The following PDZRN4 variants were observed in gnomAD, a reference collection of about 807,000 sequenced individuals.
The protein encoded by PDZRN4 is PDZ domain-containing RING finger protein 4.
A neutral mutation model predicts 99.0 loss-of-function variants in PDZRN4; 70 were observed. The ratio of observed to expected loss-of-function variants is 0.71; its 90% CI spans 0.58 to 0.86. The LOEUF (loss-of-function observed/expected upper bound fraction) is 0.86. Ranked by LOEUF, PDZRN4 falls within the 40% of genes least tolerant of loss-of-function variation. The pLI is 0.00. For missense variants in PDZRN4, 1,474 were observed against 1,331.2 expected (o/e 1.11, Z -1.67); for synonymous variants, 551 against 501.6 (o/e 1.10, Z -1.32).
rs145150131 is a variant in PDZRN4, at chr12:41,568,510, C to T, written c.1584+611C>T. Among the ~76,000 whole-genome samples the T allele has an allele frequency of 4.1e-3, 629 of 152,262 alleles. 4 individuals carry two copies. Among genetic ancestry groups the T allele is most frequent in the African/African-American group, 0.014 (583 of 41,544 alleles). ...TTAACATCATTTTGCCTTGAAGTCA[C>T]ATATTCATTCAACTAAACACTTTGA... On this transcript the variant is annotated intron_variant, in intron 9 of 9. Transcript: ENST00000402685.
At chr12:41,190,593 A>G (rs1403894213) in intron 1 of PDZRN4, among the ~76,000 whole-genome samples, 4 of 152,224 alleles carry the variant, frequency 2.6e-5, no homozygotes, top group Admixed American at 1.3e-4. Context: ...GTGTTTTTCT[A>G]CTACCAGTAG....
intron 8 of PDZRN4, 50 bp downstream of exon 8, chr12:41,563,699 T>G (rs1035824013): frequency 8.5e-7 from 1 of 1,172,006 alleles, no homozygotes; most frequent in Non-Finnish European, 1.3e-6. Context: ...ATTCATTGAA[T>G]TCACTGAATG....
At chr12:41,488,173 A>G (rs940424164) in intron 3 of PDZRN4, among the ~76,000 whole-genome samples, 4 of 152,200 alleles carry the variant, frequency 2.6e-5, no homozygotes, top group Non-Finnish European at 4.4e-5. Context: ...TCCACATTCC[A>G]TTATCCAGCA....
chr12:41,504,739 T>C (rs1347613752), intron 3 of PDZRN4, among the ~76,000 whole-genome samples: 1 of 152,126 alleles, frequency 6.6e-6, no homozygotes, highest in Non-Finnish European at 1.5e-5. Flanking sequence ...CCAAGTCAGA[T>C]ATTCCAAGGT....
intron 3 of PDZRN4, among the ~76,000 whole-genome samples, chr12:41,450,584 C>T (rs2733295): frequency 0.019 from 2,943 of 152,218 alleles, 124 homozygotes; most frequent in African/African-American, 0.067. Flanking sequence ...GAACTACATG[C>T]AAAAGTGATG....
At chr12:41,284,146 G>C (rs1951406701) in intron 3 of PDZRN4, among the ~76,000 whole-genome samples, 1 of 152,180 alleles carries the variant, frequency 6.6e-6, no homozygotes, top group Non-Finnish European at 1.5e-5. Flanking sequence ...AAGCTGATAA[G>C]CAACTTCAGC....
intron 3 of PDZRN4, among the ~76,000 whole-genome samples, chr12:41,227,083 C>T (rs988576061): frequency 6.6e-6 from 1 of 152,234 alleles, no homozygotes; most frequent in African/African-American, 2.4e-5. Context: ...GAAAAATACA[C>T]ATATTTAGAA....
chr12:41,341,755 G>A (rs1294290415), intron 3 of PDZRN4, among the ~76,000 whole-genome samples: 3 of 151,846 alleles, frequency 2.0e-5, no homozygotes, highest in Admixed American at 6.6e-5. Context: ...AATTAACACT[G>A]TTAAAACAGC....
intron 3 of PDZRN4, among the ~76,000 whole-genome samples, chr12:41,443,289 G>T (rs115285301): frequency 1.2e-3 from 180 of 152,176 alleles, no homozygotes; most frequent in African/African-American, 4.2e-3. Context: ...CTTGGGGAGT[G>T]GGGGAGAAGA....
At chr12:41,568,059 G>A (rs1258739551) in intron 9 of PDZRN4, among the ~76,000 whole-genome samples, 160 bp downstream of exon 9, 3 of 152,120 alleles carry the variant, frequency 2.0e-5, no homozygotes, top group Admixed American at 2.0e-4. Context: ...GAAGCAGAGG[G>A]AATAAATAAA....
intron 3 of PDZRN4, 40 bp from the exon 4 acceptor site, chr12:41,506,416 T>C (rs763868645): frequency 6.4e-6 from 10 of 1,551,704 alleles, no homozygotes; most frequent in Non-Finnish European, 8.7e-6. Context: ...GCCTCTCTGA[T>C]CTTTCCTCTG....
chr12:41,478,204 C>G (rs553796303), intron 3 of PDZRN4, among the ~76,000 whole-genome samples: 1 of 152,258 alleles, frequency 6.6e-6, no homozygotes, highest in African/African-American at 2.4e-5. Flanking sequence ...CAACCTCCGC[C>G]TCCCAGGTTC....
chr12:41,556,902 C>G (rs1225676759), intron 7 of PDZRN4, among the ~76,000 whole-genome samples: 4 of 151,844 alleles, frequency 2.6e-5, no homozygotes, highest in Non-Finnish European at 5.9e-5. Context: ...GTAATCCCAG[C>G]ACTTTGGAAG....
chr12:41,518,021 TTTG>T (rs1938432581), intron 5 of PDZRN4, among the ~76,000 whole-genome samples: 1 of 152,120 alleles, frequency 6.6e-6, no homozygotes, highest in Admixed American at 6.6e-5. Flanking sequence ...ATAATACATA[TTTG>T]TTAATTTAAA....
intron 3 of PDZRN4, among the ~76,000 whole-genome samples, chr12:41,242,258 C>A (rs73120909): frequency 0.055 from 8,297 of 152,206 alleles, 672 homozygotes; most frequent in African/African-American, 0.18. Flanking sequence ...CTGATACCTA[C>A]TTTCTAGTCT....
intron 3 of PDZRN4, among the ~76,000 whole-genome samples, chr12:41,257,784 C>T (rs1238727674): frequency 6.6e-6 from 1 of 152,154 alleles, no homozygotes; most frequent in Non-Finnish European, 1.5e-5. Context: ...TGGAAATTGA[C>T]TGTGATTTAT....
chr12:41,352,007 A>AT (rs10529087), intron 3 of PDZRN4, among the ~76,000 whole-genome samples: 1 of 151,832 alleles, frequency 6.6e-6, no homozygotes, highest in East Asian at 1.9e-4. Context: ...AAATAAATAA[A>AT]AATTTCAAAG....
intron 3 of PDZRN4, among the ~76,000 whole-genome samples, chr12:41,378,364 A>C (rs1005389215): frequency 1.3e-5 from 2 of 152,052 alleles, no homozygotes; most frequent in Non-Finnish European, 2.9e-5. Flanking sequence ...TTAATGTGCT[A>C]TTGAACTCAA....
In PDZRN4 at chr12:41,188,741, G is replaced by T; in HGVS notation, c.286G>T (p.Glu96Ter). Residue 96 changes from glutamate to a stop codon, truncating the protein, a stop_gained, in exon 1 of 10, where the codon GAG becomes TAG. Coordinates refer to ENST00000402685, the MANE Select transcript of PDZRN4 (RefSeq NM_001164595.2). LOFTEE classifies it high-confidence loss of function. Reference sequence around the variant, plus strand: ...CTGCGGCCACTCGGTCAGGCTGCACGAGCTGGAGGCGCACGTCGAGCACTG... The same window carrying T: ...CTGCGGCCACTCGGTCAGGCTGCACTAGCTGGAGGCGCACGTCGAGCACTG... ...RGCGHSVRLH[E>*]LEAHVEHCDF... The T allele has an allele frequency of 6.6e-7, 1 of 1,515,070 alleles. No homozygotes were observed. The allele number at this position is 1,515,070 out of a possible 1,614,324, so 93.9% of individuals were successfully genotyped here. A position where few individuals can be genotyped will look rare whatever the true frequency, so the allele number is the denominator to read the frequency against.
Sources: gnomAD v4.1 joint callset for allele counts (sites outside exome capture counted in the v4.1 genomes callset) on GRCh38, gnomAD v4.1.1 for gene constraint, MANE v1.5 for transcripts, NCBI Gene and HGNC (gene_info 2026-07-23, HGNC 2026-07-21) for gene names.